Variants in NPFFR2 observed in about 807,000 individuals in gnomAD.
NPFFR2 encodes G-protein coupled receptor 74.
In NPFFR2, 15 loss-of-function variants were observed where a neutral mutation model predicts 13.1. The ratio of observed to expected loss-of-function variants is 1.15; its 90% CI spans 0.77 to 1.76. The LOEUF (loss-of-function observed/expected upper bound fraction) is 1.76, where lower values mean the gene tolerates loss of function less well. Ranked by LOEUF, NPFFR2 falls within the 40% of genes most tolerant of loss-of-function variation. NPFFR2 has a pLI of 0.00. For synonymous variants in NPFFR2, 190 were observed against 175.7 expected (o/e 1.08, Z -0.65); for missense variants, 572 against 503.5 (o/e 1.14, Z -1.30).
chr4:72,064,709 C>G (rs950747492), intron 1 of NPFFR2, among the ~76,000 whole-genome samples: 1 of 151,910 alleles, frequency 6.6e-6, no homozygotes. Context: ...GAAAAGAGGT[C>G]GGTGATAAGG....
At chr4:72,113,289 A>G (rs1721616683) in intron 1 of NPFFR2, among the ~76,000 whole-genome samples, 1 of 152,066 alleles carries the variant, frequency 6.6e-6, no homozygotes, top group African/African-American at 2.4e-5. Flanking sequence ...ATTATAAGCA[A>G]TACATAGATT....
chr4:72,112,084 A>G (rs903121174), intron 1 of NPFFR2, among the ~76,000 whole-genome samples: 10 of 152,058 alleles, frequency 6.6e-5, no homozygotes, highest in African/African-American at 2.4e-4. Context: ...AGAATATCTC[A>G]GTCTCTCAGC....
At chr4:72,069,245 A>G (rs995676168) in intron 1 of NPFFR2, among the ~76,000 whole-genome samples, 2 of 152,136 alleles carry the variant, frequency 1.3e-5, no homozygotes, top group East Asian at 1.9e-4. Flanking sequence ...TCAAAAGAAC[A>G]CTGGATTATG....
chr4:72,067,191 G>A (rs1720098973), intron 1 of NPFFR2, among the ~76,000 whole-genome samples: 2 of 152,196 alleles, frequency 1.3e-5, no homozygotes, highest in Non-Finnish European at 2.9e-5. Context: ...TTATAGCATT[G>A]TGGCTTACAG....
intron 3 of NPFFR2, chr4:72,146,768 A>C (rs1432032618): frequency 1.2e-5 from 7 of 560,934 alleles, no homozygotes; most frequent in South Asian, 2.5e-5. Flanking sequence ...AGTGTCTGCT[A>C]TACTCCATTT....
intron 1 of NPFFR2, among the ~76,000 whole-genome samples, chr4:72,060,318 C>T (rs1229094265): frequency 2.0e-5 from 3 of 152,026 alleles, no homozygotes; most frequent in African/African-American, 7.2e-5. Flanking sequence ...GTCTGTCTGT[C>T]CAGGATTCCA....
chr4:72,035,954 G>A (rs1334608687), intron 1 of NPFFR2, among the ~76,000 whole-genome samples: 1 of 152,056 alleles, frequency 6.6e-6, no homozygotes, highest in Non-Finnish European at 1.5e-5. Flanking sequence ...AGTCTCAGTT[G>A]ATCCATATTT....
At chr4:72,140,748 CT>C (rs1345258511) in intron 3 of NPFFR2, among the ~76,000 whole-genome samples, 4 of 152,050 alleles carry the variant, frequency 2.6e-5, no homozygotes, top group African/African-American at 9.7e-5. Context: ...CTCTACCAGG[CT>C]TTGGTATCAG....
At position 72,111,564 on chromosome 4, in the gene NPFFR2, C is replaced by T. The variant is rs186333172; in HGVS notation, c.-7-17021C>T. Among the ~76,000 whole-genome samples, 20 of 152,100 alleles carry T rather than the reference C, an allele frequency of 1.3e-4. No individual in the cohort carries two copies. The East Asian group carries it at 3.5e-3, about 27-fold the overall frequency. ...AAGCTAATGGGAACCAATAATCATA[C>T]CTCAAGTATTCCCTTAATCAGGGCA... On this transcript the variant is annotated intron_variant, in intron 1 of 3. Coordinates refer to ENST00000308744, the MANE Select transcript of NPFFR2 (RefSeq NM_004885.3).
chr4:72,138,509 G>A (rs1330552110), intron 3 of NPFFR2, among the ~76,000 whole-genome samples: 1 of 151,766 alleles, frequency 6.6e-6, no homozygotes, highest in Non-Finnish European at 1.5e-5. Flanking sequence ...AGAACATGTG[G>A]TGTTTGGTTT....
intron 1 of NPFFR2, among the ~76,000 whole-genome samples, chr4:72,042,492 A>G (rs1355484904): frequency 6.6e-6 from 1 of 152,108 alleles, no homozygotes; most frequent in East Asian, 1.9e-4. Context: ...AGGGCTCAGT[A>G]GAAGATAAGA....
rs78359207 is a variant in NPFFR2, at chr4:72,032,699, T to C, written c.-8+499T>C. On this transcript the variant is annotated intron_variant, in intron 1 of 3. Transcript: ENST00000308744. The stretch of plus-strand genomic sequence containing the variant: ...ACACCAGAGTCCTTATTGAAGGCGT[T>C]TGGAGAGGTTTTATCCCCTTCTGGG... Among the ~76,000 whole-genome samples the C allele has an allele frequency of 0.028, 4,317 of 152,266 alleles. 298 individuals are homozygous for C. In the East Asian group the frequency reaches 0.31, roughly 11 times the overall value.
intron 1 of NPFFR2, among the ~76,000 whole-genome samples, chr4:72,066,998 G>T (rs1055361536): frequency 6.6e-6 from 1 of 151,772 alleles, no homozygotes; most frequent in Non-Finnish European, 1.5e-5. Context: ...CCAACCCCTC[G>T]GCTCTGCTGG....
At chr4:72,087,342 A>G (rs1291359120) in intron 1 of NPFFR2, among the ~76,000 whole-genome samples, 2 of 152,132 alleles carry the variant, frequency 1.3e-5, no homozygotes, top group African/African-American at 4.8e-5. Context: ...GAAAATCCAA[A>G]CACAACATAT....
intron 1 of NPFFR2, among the ~76,000 whole-genome samples, chr4:72,120,064 G>A (rs1721824381): frequency 6.6e-6 from 1 of 152,138 alleles, no homozygotes; most frequent in South Asian, 2.1e-4. Context: ...GCAGTCTGAA[G>A]TAGACCTGGG....
chr4:72,061,128 G>C (rs1234512752), intron 1 of NPFFR2, among the ~76,000 whole-genome samples: 1 of 152,122 alleles, frequency 6.6e-6, no homozygotes, highest in Non-Finnish European at 1.5e-5. Context: ...AAATCAGGAA[G>C]GTGTGGAACC....
intron 1 of NPFFR2, chr4:72,039,483 A>G: frequency 1.7e-6 from 1 of 602,692 alleles, no homozygotes; most frequent in Non-Finnish European, 2.1e-6. Flanking sequence ...ACATATATAC[A>G]CTCTCAAATC....
rs567096995 is a variant in NPFFR2, at chr4:72,049,686, A to G, written c.-8+17486A>G. Among the ~76,000 whole-genome samples, 9 of 152,218 alleles carry G rather than the reference A, an allele frequency of 5.9e-5. No homozygotes were observed. The South Asian group carries it at 1.9e-3, about 32-fold the overall frequency. On this transcript the variant is annotated intron_variant, in intron 1 of 3. Coordinates refer to ENST00000308744, the MANE Select transcript of NPFFR2 (RefSeq NM_004885.3). ...TCTTAGGTATTATAAATTCATATTT[A>G]TATCAAAAATTCCAAATATCTATTG...
intron 1 of NPFFR2, among the ~76,000 whole-genome samples, chr4:72,032,663 C>T (rs962374141): frequency 1.3e-5 from 2 of 152,208 alleles, no homozygotes; most frequent in Non-Finnish European, 2.9e-5. Context: ...GGTTTCTGAG[C>T]TGCGTACAGG....
Sources: gnomAD v4.1 joint callset for allele counts (sites outside exome capture counted in the v4.1 genomes callset) on GRCh38, gnomAD v4.1.1 for gene constraint, MANE v1.5 for transcripts, NCBI Gene and HGNC (gene_info 2026-07-23, HGNC 2026-07-21) for gene names.